Variants in TMEM65 observed in about 807,000 individuals in gnomAD.
The protein encoded by TMEM65 is transmembrane protein 65.
A neutral mutation model predicts 25.4 loss-of-function variants in TMEM65; 22 were observed. The ratio of observed to expected loss-of-function variants is 0.86; its 90% CI spans 0.62 to 1.23. The LOEUF is 1.23. TMEM65 is among the 50% of genes most tolerant of loss of function. The pLI is 0.00. For missense variants in TMEM65, 262 were observed against 308.2 expected, an observed-to-expected ratio of 0.85 and a Z score of 1.12; for synonymous variants, 132 against 126.2, an observed-to-expected ratio of 1.05 and a Z score of -0.31.
At chr8:124,348,152 G>A (rs1052172851) in intron 1 of TMEM65, among the ~76,000 whole-genome samples, 2 of 152,020 alleles carry the variant, frequency 1.3e-5, no homozygotes, top group Non-Finnish European at 2.9e-5. Context: ...TCTCCATGTT[G>A]GTCAGGCTGG....
chr8:124,338,370 G>A (rs1461831977), intron 1 of TMEM65, among the ~76,000 whole-genome samples: 1 of 151,948 alleles, frequency 6.6e-6, no homozygotes, highest in Non-Finnish European at 1.5e-5. Context: ...TGGCATTACT[G>A]AACCAAAGAG....
chr8:124,344,595 G>A (rs1253065373), intron 1 of TMEM65, among the ~76,000 whole-genome samples: 1 of 152,164 alleles, frequency 6.6e-6, no homozygotes, highest in Non-Finnish European at 1.5e-5. Context: ...AATATATCTG[G>A]TATGATAGAA....
chr8:124,370,499 G>C (rs574823349), intron 1 of TMEM65, among the ~76,000 whole-genome samples: 1 of 152,180 alleles, frequency 6.6e-6, no homozygotes, highest in Admixed American at 6.5e-5. Context: ...GTTTCATTAT[G>C]ATTGCATATA....
Position 124,372,662 on chromosome 8 carries a change from AGCCGCC to A in TMEM65, c.-511_-506del, listed in dbSNP as rs57541664. The A allele has an allele frequency of 6.8e-5, 11 of 161,014 alleles. No individual in the cohort carries two copies. The highest frequency in any genetic ancestry group is 3.9e-4 in the Admixed American group (6 of 15,362). 10.0% of individuals were successfully genotyped at this position (161,014 alleles called of 1,614,324 possible). Reference sequence around the variant, plus strand: ...CAAAGCAGCCGCGCTCCCGAGCCGCAGCCGCCGCCGCCGCCGCTACCCCTAGCGGCA... The same window carrying A: ...CAAAGCAGCCGCGCTCCCGAGCCGCAGCCGCCGCCGCTACCCCTAGCGGCA... On this transcript the variant is annotated 5_prime_UTR_variant, in exon 1 of 7. Transcript: ENST00000297632.
At chr8:124,351,962 A>G (rs530849924) in intron 1 of TMEM65, among the ~76,000 whole-genome samples, 23 of 152,122 alleles carry the variant, frequency 1.5e-4, no homozygotes, top group Admixed American at 1.3e-3. Context: ...TTGATTATCC[A>G]TTTTTGTAAA....
rs375236249 is a variant in TMEM65 at position 124,306,439 on chromosome 8, G to A, written c.*7521C>T. ...TCATAAAGTTGATTCTCAAACACGG[G>A]TTTGAACTGCATAGGACCGCTTATA... is the stretch of plus-strand genomic sequence containing the variant. On this transcript the variant is annotated 3_prime_UTR_variant, in exon 7 of 7. Transcript: ENST00000297632. The A allele has an allele frequency of 5.3e-5, 8 of 152,220 alleles. No individual in the cohort carries two copies. In the East Asian group the frequency reaches 1.5e-3, roughly 29 times the overall value. 9.4% of individuals were successfully genotyped at this position (152,220 alleles called of 1,614,324 possible).
chr8:124,308,210 C>T lies in TMEM65; in HGVS notation c.*5750G>A, dbSNP rs1814116618. Reference sequence around the variant, plus strand: ...GTTGTTTTGATACTGGACAATGCCCCTGGCCACCCACCCAGAACTCCATGA... The same window carrying T: ...GTTGTTTTGATACTGGACAATGCCCTTGGCCACCCACCCAGAACTCCATGA... On this transcript the variant is annotated 3_prime_UTR_variant, in exon 7 of 7. Coordinates refer to ENST00000297632, the MANE Select transcript of TMEM65 (RefSeq NM_194291.3). 6.6e-6 allele frequency: 1 copy of T among 152,188 alleles called. No individual in the cohort carries two copies. Among genetic ancestry groups the T allele is most frequent in the Admixed American group, 6.5e-5 (1 of 15,276 alleles). The allele number at this position is 152,188 out of a possible 1,614,324, so 9.4% of individuals were successfully genotyped here.
chr8:124,316,959 T>A (rs1035710061), intron 6 of TMEM65, among the ~76,000 whole-genome samples: 3 of 152,068 alleles, frequency 2.0e-5, no homozygotes, highest in Non-Finnish European at 4.4e-5. Flanking sequence ...TAGGTCCTCA[T>A]TTTGTTTCTC....
chr8:124,327,406 G>A lies in TMEM65; in HGVS notation c.365C>T (p.Ala122Val), dbSNP rs146112743. 32 of 1,595,282 alleles carry A rather than the reference G, an allele frequency of 2.0e-5. No homozygotes were observed. Among genetic ancestry groups the A allele is most frequent in the Admixed American group, 3.5e-5 (2 of 56,984 alleles). The change falls in exon 3 of 7, where the codon GCG becomes GTG. Residue 122 changes from alanine (A) to valine (V), a missense_variant. Coordinates refer to ENST00000297632, the MANE Select transcript of TMEM65 (RefSeq NM_194291.3). Reference protein sequence around the residue: ...GQLRYVFIHNAIPFIGFGFLD... With the variant: ...GQLRYVFIHNVIPFIGFGFLD... ...AAAGCCAAACCCTATGAAAGGTATCGCATTGTGGATGAATACTGAAAAACA... is the reference window on the plus strand; with the variant it reads ...AAAGCCAAACCCTATGAAAGGTATCACATTGTGGATGAATACTGAAAAACA...
In TMEM65 at chr8:124,371,915, G is replaced by A. The variant is rs990764465; in HGVS notation, c.243C>T (p.Ser81=). 7 of 1,546,520 alleles carry A rather than the reference G, an allele frequency of 4.5e-6. No homozygotes were observed. The African/African-American group carries it at 8.5e-5, about 19-fold the overall frequency. Residue 81 remains serine (S), a synonymous_variant, in exon 1 of 7, where the codon TCC becomes TCT. Coordinates refer to ENST00000297632, the MANE Select transcript of TMEM65 (RefSeq NM_194291.3). Reference sequence around the variant, plus strand: ...CTTTGAGCAGGCAGCTCCTCTCCGTGGAGTGCAGGCTGTAGATGAAGTCGC... The same window carrying A: ...CTTTGAGCAGGCAGCTCCTCTCCGTAGAGTGCAGGCTGTAGATGAAGTCGC... ...GARDFIYSLH[S]TERSCLLKEL... is the part of the protein sequence containing the mutation.
intron 4 of TMEM65, among the ~76,000 whole-genome samples, chr8:124,322,768 C>T (rs751195230): frequency 3.6e-4 from 54 of 152,018 alleles, no homozygotes; most frequent in African/African-American, 1.2e-3. Context: ...GAGGCCGAGG[C>T]GGGCAGATCA....
chr8:124,371,608 G>A (rs1007810024), intron 1 of TMEM65, among the ~76,000 whole-genome samples: 1 of 152,252 alleles, frequency 6.6e-6, no homozygotes, highest in African/African-American at 2.4e-5. Flanking sequence ...TGGGGAGGAA[G>A]TAGCTAGCGC....
chr8:124,370,548 C>T (rs190195645), intron 1 of TMEM65, among the ~76,000 whole-genome samples: 2 of 152,272 alleles, frequency 1.3e-5, no homozygotes, highest in Admixed American at 6.5e-5. Flanking sequence ...ATTGATCGGA[C>T]GTTACATTTT....
rs193061355 is a variant in TMEM65 at position 124,343,846 on chromosome 8, G to A, written c.305-13054C>T. 1.9e-3 allele frequency among the ~76,000 whole-genome samples: 284 copies of A among 152,310 alleles called. 2 individuals are homozygous for A. Among genetic ancestry groups the A allele is most frequent in the Admixed American group, 3.4e-3 (52 of 15,298 alleles). ...TAACCAACATCTTCTGCAATTGAAT[G>A]TTAGATATGTCATGTTACTAACAGT... On this transcript the variant is annotated intron_variant, in intron 1 of 6. Coordinates refer to ENST00000297632, the MANE Select transcript of TMEM65 (RefSeq NM_194291.3).
At position 124,307,598 on chromosome 8, in the gene TMEM65, C is replaced by T. The variant is rs993296492; in HGVS notation, c.*6362G>A. 2.6e-5 allele frequency: 4 copies of T among 151,910 alleles called. No homozygotes were observed. Among genetic ancestry groups the T allele is most frequent in the Non-Finnish European group, 5.9e-5 (4 of 68,000 alleles). 9.4% of individuals were successfully genotyped at this position (151,910 alleles called of 1,614,324 possible). ...GCTACAAGAAAGACGTACCTATAGGCTCTAATATGATTGGAGAAAAGGCGG... is the reference window on the plus strand; with the variant it reads ...GCTACAAGAAAGACGTACCTATAGGTTCTAATATGATTGGAGAAAAGGCGG... On this transcript the variant is annotated 3_prime_UTR_variant, in exon 7 of 7. Transcript: ENST00000297632.
intron 5 of TMEM65, 89 bp from the exon 6 acceptor site, chr8:124,320,280 C>T: frequency 2.1e-6 from 2 of 948,566 alleles, no homozygotes; most frequent in Non-Finnish European, 1.6e-6. Context: ...GACATGAGGA[C>T]AAAATATAGG....
chr8:124,336,558 T>G (rs747957144), intron 1 of TMEM65, among the ~76,000 whole-genome samples: 2 of 151,858 alleles, frequency 1.3e-5, no homozygotes, highest in African/African-American at 4.8e-5. Flanking sequence ...AATTTGGAAA[T>G]TAAACATCTT....
At position 124,313,816 on chromosome 8, in the gene TMEM65, A is replaced by G. The variant is rs1315556950; in HGVS notation, c.*144T>C. ...GATGTCCTAAGAAGATCAAGCCACA[A>G]TAAGTTAGTGTTTTCCATAATACAT... On this transcript the variant is annotated 3_prime_UTR_variant, in exon 7 of 7. Transcript: ENST00000297632. 1.6e-5 allele frequency: 10 copies of G among 611,474 alleles called. No individual in the cohort carries two copies. The Admixed American group carries it at 3.2e-4, about 19-fold the overall frequency. 37.9% of individuals were successfully genotyped at this position (611,474 alleles called of 1,614,324 possible). A position where few individuals can be genotyped will look rare whatever the true frequency, so the allele number is the denominator to read the frequency against.
chr8:124,346,501 A>G (rs940527794), intron 1 of TMEM65, among the ~76,000 whole-genome samples: 1 of 152,218 alleles, frequency 6.6e-6, no homozygotes, highest in Non-Finnish European at 1.5e-5. Context: ...CATGGATGTA[A>G]AAAGCAATAT....
Sources: gnomAD v4.1 joint callset for allele counts (sites outside exome capture counted in the v4.1 genomes callset) on GRCh38, gnomAD v4.1.1 for gene constraint, MANE v1.5 for transcripts, NCBI Gene and HGNC (gene_info 2026-07-23, HGNC 2026-07-21) for gene names.